P3H1: variants seen among roughly 807,000 people sequenced by gnomAD.
The protein encoded by P3H1 is prolyl 3-hydroxylase 1, also known as growth suppressor 1.
In P3H1, 69 loss-of-function variants were observed where a neutral mutation model predicts 84.0. That is an observed-to-expected ratio of 0.82 (90% confidence interval 0.68 to 1.00). P3H1 has a LOEUF of 1.00. Among genes scored for constraint, P3H1 ranks in the 50% least tolerant of loss-of-function variants. P3H1 has a pLI of 0.00. For synonymous variants in P3H1, 366 were observed against 388.8 expected (o/e 0.94, Z 0.69); for missense variants, 878 against 962.8 (o/e 0.91, Z 1.17).
At position 42,766,920 on chromosome 1, in the gene P3H1, C is replaced by A. The variant is rs1415957027; in HGVS notation, c.52G>T (p.Ala18Ser). The A allele has an allele frequency of 1.2e-6, 2 of 1,609,158 alleles. No individual in the cohort carries two copies. The highest frequency in any genetic ancestry group is 1.7e-5 in the Admixed American group (1 of 60,020). Residue 18 changes from alanine to serine, a missense_variant, in exon 1 of 15, where the codon GCT becomes TCT. Physicochemically the swap from Ala to Ser is moderately conservative, Grantham distance 99. Coordinates refer to ENST00000296388, the MANE Select transcript of P3H1 (RefSeq NM_022356.4). Reference sequence around the variant, plus strand: ...GACTCGACCTCGGCTTGGGAGGCAGCGGCCACGACAGCCAGCAGTGTGGTC... The same window carrying A: ...GACTCGACCTCGGCTTGGGAGGCAGAGGCCACGACAGCCAGCAGTGTGGTC... ...LLTTLLAVVA[A>S]ASQAEVESEA...
rs765522259 is a variant in P3H1, at chr1:42,759,200, C to G, written c.808+1G>C. On this transcript the variant is annotated splice_donor_variant, in intron 3 of 14. Transcript: ENST00000296388. LOFTEE classifies it high-confidence loss of function. ...AAGGTCTGGCTCTGAACTGCACGCA[C>G]CTGTGATGGCCTGGAAGAGGTCAGC... 1.2e-6 allele frequency: 2 copies of G among 1,614,076 alleles called. No individual in the cohort carries two copies. Among genetic ancestry groups the G allele is most frequent in the Admixed American group, 3.3e-5 (2 of 59,998 alleles).
chr1:42,757,533 G>A (rs1223671309), intron 5 of P3H1, among the ~76,000 whole-genome samples: 3 of 152,154 alleles, frequency 2.0e-5, no homozygotes, highest in East Asian at 1.9e-4. Context: ...GCAGTTCTGC[G>A]GGACTCAGAG....
chr1:42,763,691 A>G (rs1198337300), intron 1 of P3H1, among the ~76,000 whole-genome samples: 3 of 151,074 alleles, frequency 2.0e-5, no homozygotes, highest in Non-Finnish European at 4.4e-5. Context: ...AAAAAAAAAA[A>G]AAAAAAAAAG....
intron 1 of P3H1, among the ~76,000 whole-genome samples, chr1:42,762,954 T>C (rs956485417): frequency 6.6e-6 from 1 of 151,932 alleles, no homozygotes; most frequent in African/African-American, 2.4e-5. Context: ...TACATGGTAC[T>C]ATATGCCTGT....
chr1:42,747,680 C>A, intron 13 of P3H1, 43 bp downstream of exon 13: 2 of 1,605,516 alleles, frequency 1.2e-6, no homozygotes, highest in Non-Finnish European at 1.7e-6. Flanking sequence ...CTGTAGAAAA[C>A]AGACTTTTTA....
chr1:42,763,862 T>C (rs1290817348), intron 1 of P3H1, among the ~76,000 whole-genome samples: 1 of 151,920 alleles, frequency 6.6e-6, no homozygotes, highest in African/African-American at 2.4e-5. Flanking sequence ...AGACCAGCCG[T>C]GGCCAGGCAC....
chr1:42,748,654 G>A (rs1040427330), intron 11 of P3H1: 8 of 367,582 alleles, frequency 2.2e-5, no homozygotes, highest in African/African-American at 1.7e-4. Context: ...CAGGAGGTGG[G>A]ACGGACGCAG....
rs183577849 is a variant in P3H1 at position 42,746,514 on chromosome 1, C to T, written c.*183G>A. On this transcript the variant is annotated 3_prime_UTR_variant, in exon 15 of 15. Coordinates refer to ENST00000296388, the MANE Select transcript of P3H1 (RefSeq NM_022356.4). ...AGCCCTCAGCCAGATCCAGGGGGTG[C>T]GGTGTCTGGTCATGTCCACTCCAAG... is the stretch of plus-strand genomic sequence containing the variant. The T allele has an allele frequency of 6.9e-5, 43 of 619,750 alleles. 3 individuals carry two copies. In the South Asian group the frequency reaches 7.0e-4, roughly 10 times the overall value. The allele number at this position is 619,750 out of a possible 1,614,324, so 38.4% of individuals were successfully genotyped here. A position where few individuals can be genotyped will look rare whatever the true frequency, so the allele number is the denominator to read the frequency against.
At chr1:42,750,636 TCCGGGAGGGAGGCCGGGGGGGGTGGTC>T (rs2124096227) in intron 10 of P3H1, among the ~76,000 whole-genome samples, 1 of 96,124 alleles carries the variant, frequency 1.0e-5, no homozygotes, top group East Asian at 3.3e-4. Context: ...AGCCACCCCG[TCCGGGAGGGAGGCCGGGGGGGGTGGTC>T]GGCCAGCCGC....
Position 42,766,827 on chromosome 1 carries a change from C to A in P3H1, c.145G>T (p.Gly49Trp), listed in dbSNP as rs1289909154. Residue 49 changes from glycine (G) to tryptophan (W), a missense_variant, in exon 1 of 15, where the codon GGG becomes TGG. Physicochemically the swap from Gly to Trp is radical, Grantham distance 184 (BLOSUM62 -2). Transcript: ENST00000296388. Reference protein sequence around the residue: ...FAEGTAAYARGDWPGVVLSME... With the variant: ...FAEGTAAYARWDWPGVVLSME... ...CTCAGGACCACCCCGGGCCAGTCCC[C>A]GCGCGCGTAGGCTGCGGTCCCCTCG... The A allele has an allele frequency of 1.2e-6, 2 of 1,604,380 alleles. No homozygotes were observed. Among genetic ancestry groups the A allele is most frequent in the Non-Finnish European group, 1.7e-6 (2 of 1,179,710 alleles).
intron 4 of P3H1, 122 bp from the exon 5 acceptor site, chr1:42,758,044 G>A: frequency 1.2e-6 from 1 of 864,006 alleles, no homozygotes; most frequent in Non-Finnish European, 2.0e-6. Context: ...AGCATGACAA[G>A]CTGGTGCCTG....
intron 12 of P3H1, 63 bp from the exon 13 acceptor site, chr1:42,747,861 C>A: frequency 6.7e-7 from 1 of 1,488,554 alleles, no homozygotes; most frequent in South Asian, 1.1e-5. Flanking sequence ...TGAGCCTTCA[C>A]CTCCAGGTGC....
At chr1:42,755,905 C>T (rs1238829260) in intron 5 of P3H1, among the ~76,000 whole-genome samples, 1 of 152,152 alleles carries the variant, frequency 6.6e-6, no homozygotes, top group Non-Finnish European at 1.5e-5. Context: ...TCCCAACCCC[C>T]ATTAGTCTCT....
At chr1:42,766,001 A>G in intron 1 of P3H1, among the ~76,000 whole-genome samples, 1 of 112,566 alleles carries the variant, frequency 8.9e-6, no homozygotes, top group Non-Finnish European at 1.8e-5. Context: ...CAGACTAGCC[A>G]GAGGGTCCCC....
At chr1:42,747,580 C>T (rs903906025) in intron 13 of P3H1, 143 bp downstream of exon 13, 47 of 1,101,686 alleles carry the variant, frequency 4.3e-5, no homozygotes, top group South Asian at 8.7e-5. Context: ...GTGATGGACA[C>T]GTCTCAAAGC....
intron 10 of P3H1, among the ~76,000 whole-genome samples, chr1:42,752,040 A>G (rs1261972609): frequency 6.6e-6 from 1 of 152,220 alleles, no homozygotes; most frequent in Non-Finnish European, 1.5e-5. Context: ...GCATTCTCAT[A>G]GCTTTGGCGA....
intron 10 of P3H1, among the ~76,000 whole-genome samples, chr1:42,750,725 T>C (rs1223958089): frequency 1.0e-4 from 11 of 105,892 alleles, no homozygotes; most frequent in Admixed American, 3.7e-4. Flanking sequence ...CCGGCCGCCC[T>C]GTCCGGGAGG....
At position 42,747,246 on chromosome 1, in the gene P3H1, C is replaced by T. The variant is rs755963691; in HGVS notation, c.2055+26G>A. On this transcript the variant is annotated intron_variant, in intron 14 of 14. Transcript: ENST00000296388. ...GAACGGGTCACCACAGCACCAGCTG[C>T]TCTCACCCGCTCGAGCTGCTCTCAC... 110 of 1,613,424 alleles carry T rather than the reference C, an allele frequency of 6.8e-5. No homozygotes were observed. In the South Asian group the frequency reaches 8.9e-4, roughly 13 times the overall value.
chr1:42,755,576 T>C lies in P3H1; in HGVS notation c.1142A>G (p.Asp381Gly). ...ATCCACAAAGGGAATTCCAAAAACA[T>C]CATAAGCGAAGAAAAGCAGTTCTTT... ...LEKELLFFAY[D>G]VFGIPFVDPD... Residue 381 changes from aspartate (D) to glycine (G), a missense_variant, in exon 6 of 15, where the codon GAT (aspartate) becomes GGT (glycine). By Grantham distance (94) the Asp-to-Gly change is moderately conservative. Transcript: ENST00000296388. The C allele has an allele frequency of 1.2e-6, 2 of 1,614,024 alleles. No homozygotes were observed. Among genetic ancestry groups the C allele is most frequent in the Non-Finnish European group, 1.7e-6 (2 of 1,179,962 alleles).
Sources: allele counts gnomAD v4.1 joint callset (sites outside exome capture counted in the v4.1 genomes callset), GRCh38; gene constraint gnomAD v4.1.1; transcripts MANE v1.5; gene names NCBI Gene and HGNC (gene_info 2026-07-23, HGNC 2026-07-21).